LDAH: variants seen among roughly 807,000 people sequenced by gnomAD.
LDAH encodes the protein lipid droplet-associated hydrolase.
A neutral mutation model predicts 29.6 loss-of-function variants in LDAH; 26 were observed. That is an observed-to-expected ratio of 0.88 (90% CI 0.64 to 1.22). The LOEUF (loss-of-function observed/expected upper bound fraction) is 1.22. Among genes scored for constraint, LDAH ranks in the 50% most tolerant of loss-of-function variants. The pLI is 0.00. For synonymous variants in LDAH, 117 were observed against 133.0 expected (o/e 0.88, Z 0.83); for missense variants, 344 against 387.3 (o/e 0.89, Z 0.94).
At chr2:20,694,326 T>C (rs562139531) in intron 6 of LDAH, among the ~76,000 whole-genome samples, 1 of 152,344 alleles carries the variant, frequency 6.6e-6, no homozygotes, top group African/African-American at 2.4e-5. Flanking sequence ...GTCAAAGACA[T>C]GTAAGCCCCA....
At chr2:20,754,551 G>C (rs1484548052) in intron 4 of LDAH, among the ~76,000 whole-genome samples, 1 of 149,378 alleles carries the variant, frequency 6.7e-6, no homozygotes, top group Non-Finnish European at 1.5e-5. Context: ...AAAGCATGCA[G>C]TGGAGAAATT....
At chr2:20,727,418 A>G (rs796264768) in intron 5 of LDAH, among the ~76,000 whole-genome samples, 17 of 152,344 alleles carry the variant, frequency 1.1e-4, no homozygotes, top group African/African-American at 3.8e-4. Context: ...CTCATTTAAT[A>G]GTTCATTTTA....
At chr2:20,804,956 T>C (rs1671959312) in intron 1 of LDAH, among the ~76,000 whole-genome samples, 1 of 152,154 alleles carries the variant, frequency 6.6e-6, no homozygotes, top group African/African-American at 2.4e-5. Context: ...CTACAGTATA[T>C]TTATGTAAGT....
intron 4 of LDAH, among the ~76,000 whole-genome samples, chr2:20,751,002 C>A (rs1667932723): frequency 6.6e-6 from 1 of 152,128 alleles, no homozygotes. Context: ...CACTATGGAC[C>A]ACTTGAGGAT....
Position 20,806,880 on chromosome 2 carries a change from G to GA in LDAH, c.-2-5416dup, listed in dbSNP as rs549874254. 4.4e-4 allele frequency among the ~76,000 whole-genome samples: 66 copies of GA among 150,140 alleles called. No homozygotes were observed. The South Asian group carries it at 4.6e-3, about 10-fold the overall frequency. ...CTTAGCCATTTGGCCTAAGGAATTA[G>GA]AAAAAAAATAAATGAATCCAAATAA... On this transcript the variant is annotated intron_variant, in intron 1 of 6. Coordinates refer to ENST00000237822, the MANE Select transcript of LDAH (RefSeq NM_021925.4).
At position 20,684,592 on chromosome 2, in the gene LDAH, C is replaced by T. The variant is rs749981051; in HGVS notation, c.*2311G>A. 3.3e-4 allele frequency: 87 copies of T among 266,164 alleles called. No individual in the cohort carries two copies. The highest frequency in any genetic ancestry group is 3.8e-4 in the Admixed American group (7 of 18,416). The allele number at this position is 266,164 out of a possible 1,614,324, so 16.5% of individuals were successfully genotyped here. On this transcript the variant is annotated 3_prime_UTR_variant, in exon 7 of 7. Transcript: ENST00000237822. ...AAGAAAAATCAAGCCTTTGGTGGTC[C>T]GTGTCTCTCCAAAGGTTGAGTGGAG...
At position 20,751,286 on chromosome 2, in the gene LDAH, A is replaced by G. The variant is rs190502590; in HGVS notation, c.469-11081T>C. ...AACCTTTATGTAAAGGTTTCCTGGA[A>G]TGTAGTTTCCACTAGTAAAATATAA... On this transcript the variant is annotated intron_variant, in intron 4 of 6. Transcript: ENST00000237822. Among the ~76,000 whole-genome samples, 158 of 152,276 alleles carry G rather than the reference A, an allele frequency of 1.0e-3. 1 individual carries two copies. The highest frequency in any genetic ancestry group is 3.6e-3 in the African/African-American group (151 of 41,562).
chr2:20,790,951 G>A (rs542329293), intron 2 of LDAH, among the ~76,000 whole-genome samples: 7 of 152,246 alleles, frequency 4.6e-5, no homozygotes, highest in African/African-American at 1.7e-4. Flanking sequence ...CTGTAGGGGG[G>A]AAATTACAAC....
At chr2:20,692,455 C>T (rs1663102292) in intron 6 of LDAH, among the ~76,000 whole-genome samples, 1 of 152,216 alleles carries the variant, frequency 6.6e-6, no homozygotes, top group African/African-American at 2.4e-5. Context: ...GACATAGCAA[C>T]ATCTTAAAAT....
intron 5 of LDAH, among the ~76,000 whole-genome samples, chr2:20,704,993 C>G (rs1342692592): frequency 6.6e-6 from 1 of 152,212 alleles, no homozygotes; most frequent in East Asian, 1.9e-4. Flanking sequence ...CCCTTTGCCA[C>G]TTCTCTGGAC....
At chr2:20,723,600 TA>T (rs764373958) in intron 5 of LDAH, among the ~76,000 whole-genome samples, 9 of 152,216 alleles carry the variant, frequency 5.9e-5, no homozygotes, top group South Asian at 4.1e-4. Flanking sequence ...TCTAAGCATA[TA>T]TTTTTTTTAA....
intron 6 of LDAH, among the ~76,000 whole-genome samples, chr2:20,687,536 C>A (rs543612356): frequency 1.3e-5 from 2 of 152,330 alleles, no homozygotes; most frequent in African/African-American, 4.8e-5. Flanking sequence ...TGAATACAAA[C>A]ACAGATCAGA....
intron 4 of LDAH, among the ~76,000 whole-genome samples, chr2:20,773,024 T>C (rs569114082): frequency 4.5e-4 from 69 of 152,298 alleles, no homozygotes; most frequent in African/African-American, 1.6e-3. Flanking sequence ...GAAATGTGTA[T>C]TGTTTTACAC....
At chr2:20,780,176 A>G (rs999484274) in intron 3 of LDAH, among the ~76,000 whole-genome samples, 1 of 152,210 alleles carries the variant, frequency 6.6e-6, no homozygotes, top group African/African-American at 2.4e-5. Flanking sequence ...TAATTATTCT[A>G]TTTAACACTG....
chr2:20,708,250 GT>G (rs1369362076), intron 5 of LDAH, among the ~76,000 whole-genome samples: 3 of 152,182 alleles, frequency 2.0e-5, no homozygotes, highest in Admixed American at 2.0e-4. Flanking sequence ...TTCCAAAAAG[GT>G]TGGGGACTGG....
chr2:20,688,822 G>A (rs1413567928), intron 6 of LDAH, among the ~76,000 whole-genome samples: 2 of 135,260 alleles, frequency 1.5e-5, no homozygotes, highest in African/African-American at 5.5e-5. Flanking sequence ...GCTTCATGGA[G>A]GTTTCCTTTT....
Position 20,685,401 on chromosome 2 carries a change from C to A in LDAH, c.*1502G>T. The A allele has an allele frequency of 1.0e-6, 1 of 998,384 alleles. No homozygotes were observed. Among genetic ancestry groups the A allele is most frequent in the Non-Finnish European group, 1.4e-6 (1 of 697,660 alleles). 61.8% of individuals were successfully genotyped at this position (998,384 alleles called of 1,614,324 possible). A position where few individuals can be genotyped will look rare whatever the true frequency, so the allele number is the denominator to read the frequency against. On this transcript the variant is annotated 3_prime_UTR_variant, in exon 7 of 7. Transcript: ENST00000237822. ...ATGCCAATAAAGGATCTGTGTACAG[C>A]CCTGTGCTTACGGCCTATGTATCTA...
intron 4 of LDAH, among the ~76,000 whole-genome samples, chr2:20,759,359 C>T (rs766679147): frequency 7.9e-5 from 12 of 152,160 alleles, no homozygotes; most frequent in East Asian, 1.9e-4. Context: ...CAAACAAATA[C>T]AATTAGTCTG....
chr2:20,767,683 G>A (rs1435483660), intron 4 of LDAH, among the ~76,000 whole-genome samples: 1 of 152,188 alleles, frequency 6.6e-6, no homozygotes, highest in Non-Finnish European at 1.5e-5. Context: ...CTAGGGGCCA[G>A]GCTGCCAGTC....
Sources: allele counts gnomAD v4.1 joint callset (sites outside exome capture counted in the v4.1 genomes callset), GRCh38; gene constraint gnomAD v4.1.1; transcripts MANE v1.5; gene names NCBI Gene and HGNC (gene_info 2026-07-23, HGNC 2026-07-21).